PLIN4: variants seen among roughly 807,000 people sequenced by gnomAD.
The protein encoded by PLIN4 is perilipin-4.
In PLIN4, 57 loss-of-function variants were observed where a neutral mutation model predicts 52.4. The ratio of observed to expected loss-of-function variants is 1.09; its 90% confidence interval spans 0.88 to 1.36. The LOEUF is 1.36. Among genes scored for constraint, PLIN4 ranks in the 40% most tolerant of loss-of-function variants. The pLI is 0.00. For synonymous variants in PLIN4, 826 were observed against 785.4 expected (o/e 1.05, Z -0.86); for missense variants, 1,757 against 1,770.3 (o/e 0.99, Z 0.13).
chr19:4,517,678 C>G lies in PLIN4; in HGVS notation c.72G>C (p.Gly24=), dbSNP rs1294612289. 1 of 1,597,602 alleles carries G rather than the reference C, an allele frequency of 6.3e-7. No individual in the cohort carries two copies. The highest frequency in any genetic ancestry group is 8.5e-7 in the Non-Finnish European group (1 of 1,172,746). ...GGGCAGAGCTGAAGCCAGGCAGGGA[C>G]CCAAAGAAGCTGCCCAGGGTCTGCA... The part of the protein sequence containing the change: ...PKGKTLGSFF[G]SLPGFSSARN... Residue 24 remains glycine (G), a synonymous_variant, in exon 3 of 8, where the codon GGG becomes GGC. Coordinates refer to ENST00000301286, the MANE Select transcript of PLIN4 (RefSeq NM_001367868.2).
At position 4,513,362 on chromosome 19, in the gene PLIN4, C is replaced by T. The variant is rs1410890777; in HGVS notation, c.598G>A (p.Gly200Ser). The change falls in exon 5 of 8, where the codon GGC becomes AGC. Residue 200 changes from glycine (G) to serine (S), a missense_variant. Transcript: ENST00000301286. ...CCAGTAGTCACTGTGTCTTTGGTGC[C>T]GGTCAGCACAGTCTTGGTGGTGTCC... Reference protein sequence around the residue: ...GVDTTKTVLTGTKDTVTTGVM... With the variant: ...GVDTTKTVLTSTKDTVTTGVM... The T allele has an allele frequency of 1.1e-5, 18 of 1,613,474 alleles. No homozygotes were observed. Among genetic ancestry groups the T allele is most frequent in the African/African-American group, 4.0e-5 (3 of 74,874 alleles).
At position 4,510,546 on chromosome 19, in the gene PLIN4, G is replaced by A. The variant is rs759699899; in HGVS notation, c.3414C>T (p.Ala1138=). The A allele has an allele frequency of 1.3e-6, 2 of 1,496,584 alleles. No homozygotes were observed. Among genetic ancestry groups the A allele is most frequent in the African/African-American group, 2.8e-5 (2 of 71,312 alleles). 92.7% of individuals were successfully genotyped at this position (1,496,584 alleles called of 1,614,324 possible). A position where few individuals can be genotyped will look rare whatever the true frequency, so the allele number is the denominator to read the frequency against. The change falls in exon 5 of 8, where the codon GCC becomes GCT. Residue 1138 remains alanine (A), a synonymous_variant. Coordinates refer to ENST00000301286, the MANE Select transcript of PLIN4 (RefSeq NM_001367868.2). The stretch of plus-strand genomic sequence containing the variant: ...GGGCTTCTTCGGGGCCGTGTGTGGT[G>A]GCCAAAAGCCCCGTGTCCTCCCTGC... The part of the protein sequence containing the change: ...APGREDTGLL[A]TTHGPEEAPR...
chr19:4,510,129 A>G (rs955160693), intron 5 of PLIN4, among the ~76,000 whole-genome samples: 5 of 152,248 alleles, frequency 3.3e-5, no homozygotes, highest in African/African-American at 1.2e-4. Flanking sequence ...GCACTTGGGA[A>G]GCTGAGGCGG....
Position 4,511,285 on chromosome 19 carries a change from G to A in PLIN4, c.2675C>T (p.Thr892Ile), listed in dbSNP as rs1217794828. The change falls in exon 5 of 8, where the codon ACT (threonine) becomes ATT (isoleucine). Residue 892 changes from threonine (T) to isoleucine (I), a missense_variant. Physicochemically the swap from Thr to Ile is moderately conservative, Grantham distance 89 (BLOSUM62 -1). Coordinates refer to ENST00000301286, the MANE Select transcript of PLIN4 (RefSeq NM_001367868.2). Reference protein sequence around the residue: ...GGLDTTKSVLTGTKDAVSTGL... With the variant: ...GGLDTTKSVLIGTKDAVSTGL... ...AGTGGACACGGCATCTTTAGTGCCA[G>A]TCAGGACAGACTTTGTAGTGTCCAG... 1 of 1,610,760 alleles carries A rather than the reference G, an allele frequency of 6.2e-7. No individual in the cohort carries two copies. The highest frequency in any genetic ancestry group is 2.2e-5 in the East Asian group (1 of 44,670).
rs898712434 is a variant in PLIN4 at position 4,512,390 on chromosome 19, T to C, written c.1570A>G (p.Thr524Ala). 3 of 1,608,108 alleles carry C rather than the reference T, an allele frequency of 1.9e-6. 1 individual carries two copies. In the South Asian group the frequency reaches 3.3e-5, roughly 18 times the overall value. ...KGTVQTGVDT[T>A]KTVLTGTKDT... Reference sequence around the variant, plus strand: ...TTGGTGCCGGTTAGGACAGTCTTGGTGGTGTCTACGCCGGTCTGGACGGTC... The same window carrying C: ...TTGGTGCCGGTTAGGACAGTCTTGGCGGTGTCTACGCCGGTCTGGACGGTC... Residue 524 changes from threonine (T) to alanine (A), a missense_variant, in exon 5 of 8, where the codon ACC (threonine) becomes GCC (alanine). Thr to Ala is a moderately conservative substitution (Grantham distance 58). Coordinates refer to ENST00000301286, the MANE Select transcript of PLIN4 (RefSeq NM_001367868.2).
At position 4,502,258 on chromosome 19, in the gene PLIN4, C is replaced by A; in HGVS notation, c.*2201G>T. ...TCTAGCATTGCTGGTGCAGTGGGGG[C>A]CTGAGCTGGGGCGCAGGCGGCAGTG... is the stretch of plus-strand genomic sequence containing the variant. On this transcript the variant is annotated 3_prime_UTR_variant, in exon 8 of 8. Coordinates refer to ENST00000301286, the MANE Select transcript of PLIN4 (RefSeq NM_001367868.2). 1 of 593,350 alleles carries A rather than the reference C, an allele frequency of 1.7e-6. No homozygotes were observed. The highest frequency in any genetic ancestry group is 1.6e-5 in the South Asian group (1 of 60,686). The allele number at this position is 593,350 out of a possible 1,614,324, so 36.8% of individuals were successfully genotyped here.
rs1453858987 is a variant in PLIN4 at position 4,510,858 on chromosome 19, G to A, written c.3102C>T (p.Leu1034=). Residue 1034 remains leucine, a synonymous_variant, in exon 5 of 8, where the codon CTC becomes CTT. Coordinates refer to ENST00000301286, the MANE Select transcript of PLIN4 (RefSeq NM_001367868.2). ...CTGTCGCCACGTTCCCTGACCCCAT[G>A]AGCCCAGCGGACACTGCGTCTTTGG... ...TGTKDAVSAG[L]MGSGNVATGA... The A allele has an allele frequency of 3.1e-6, 5 of 1,613,316 alleles. No individual in the cohort carries two copies. Among genetic ancestry groups the A allele is most frequent in the African/African-American group, 2.7e-5 (2 of 74,910 alleles).
Position 4,503,326 on chromosome 19 carries a change from C to T in PLIN4, c.*1133G>A, listed in dbSNP as rs953166397. 1 of 152,368 alleles carries T rather than the reference C, an allele frequency of 6.6e-6. No homozygotes were observed. The allele number at this position is 152,368 out of a possible 1,614,324, so 9.4% of individuals were successfully genotyped here. ...CGGCTCCTCCCCGCTGGACTGAGCG[C>T]AGCCACGGCACGTCTCACACCCGAC... On this transcript the variant is annotated 3_prime_UTR_variant, in exon 8 of 8. Transcript: ENST00000301286.
chr19:4,511,821 C>A lies in PLIN4; in HGVS notation c.2139G>T (p.Gly713=), dbSNP rs756691386. The A allele has an allele frequency of 6.2e-7, 1 of 1,610,584 alleles. No homozygotes were observed. Among genetic ancestry groups the A allele is most frequent in the Non-Finnish European group, 8.5e-7 (1 of 1,176,978 alleles). The change falls in exon 5 of 8, where the codon GGG becomes GGT. Residue 713 remains glycine, a synonymous_variant. Transcript: ENST00000301286. The part of the protein sequence containing the change: ...GLMGAVNVAK[G]TVQTSVDTTK... ...TGGTGTCCACACTGGTCTGGACAGT[C>A]CCTTTGGCGACATTCACTGCCCCCA...
Position 4,504,698 on chromosome 19 carries a change from C to T in PLIN4, c.3877G>A (p.Gly1293Ser). The T allele has an allele frequency of 1.2e-6, 2 of 1,601,098 alleles. No homozygotes were observed. The highest frequency in any genetic ancestry group is 1.7e-6 in the Non-Finnish European group (2 of 1,177,852). The change falls in exon 8 of 8, where the codon GGC becomes AGC. Residue 1293 changes from glycine (G) to serine (S), a missense_variant. Physicochemically the swap from Gly to Ser is moderately conservative, Grantham distance 56. Transcript: ENST00000301286. ...AYSGLVSSLQ[G>S]LPAELQQPVG... Reference sequence around the variant, plus strand: ...GGCTGCTGGAGCTCGGCGGGCAGGCCCTGGAGGCTGGAGACCAGGCCACTG... The same window carrying T: ...GGCTGCTGGAGCTCGGCGGGCAGGCTCTGGAGGCTGGAGACCAGGCCACTG...
chr19:4,508,448 G>T (rs537160668), intron 6 of PLIN4, among the ~76,000 whole-genome samples: 1 of 152,264 alleles, frequency 6.6e-6, no homozygotes, highest in South Asian at 2.1e-4. Flanking sequence ...TGTATTTTTA[G>T]TAGAGACGGG....
Position 4,504,882 on chromosome 19 carries a change from C to T in PLIN4, c.3768G>A (p.Ala1256=), listed in dbSNP as rs777662542. Reference sequence around the variant, plus strand: ...CCACCTCCTGGACAGCAGCGTCCTCCGCACTGGCACCTGAGCCCTGGTCCA... The same window carrying T: ...CCACCTCCTGGACAGCAGCGTCCTCTGCACTGGCACCTGAGCCCTGGTCCA... ...PRLDQGSGAS[A]EDAAVQEERD... The change falls in exon 7 of 8, where the codon GCG becomes GCA. Residue 1256 remains alanine (A), a synonymous_variant. Transcript: ENST00000301286. 1.5e-5 allele frequency: 24 copies of T among 1,607,024 alleles called. No homozygotes were observed. Among genetic ancestry groups the T allele is most frequent in the Admixed American group, 6.8e-5 (4 of 59,146 alleles).
rs1469383540 is a variant in PLIN4, at chr19:4,511,011, C to T, written c.2949G>A (p.Val983=). The T allele has an allele frequency of 6.2e-7, 1 of 1,613,238 alleles. No individual in the cohort carries two copies. The highest frequency in any genetic ancestry group is 8.5e-7 in the Non-Finnish European group (1 of 1,179,844). The change falls in exon 5 of 8, where the codon GTG becomes GTA. Residue 983 remains valine, a synonymous_variant. Transcript: ENST00000301286. ...CCATAAGCACAGCCTTGGAGGCGTC[C>T]ACGCCGGTCTGCACGGTTCCTTTGG... ...NVAKGTVQTG[V]DASKAVLMGT...
chr19:4,504,923 C>T lies in PLIN4; in HGVS notation c.3727G>A (p.Glu1243Lys). ...RLIEKAQQAP[E>K]GQPRLDQGSG... is the part of the protein sequence containing the mutation. ...CCCTGGTCCAGACGTGGCTGCCCTT[C>T]TGGAGCCTGCTGGGCCTTTTCAATC... The change falls in exon 7 of 8, where the codon GAA becomes AAA. Residue 1243 changes from glutamate to lysine, a missense_variant. Glu to Lys is a moderately conservative substitution (Grantham distance 56). Coordinates refer to ENST00000301286, the MANE Select transcript of PLIN4 (RefSeq NM_001367868.2). The T allele has an allele frequency of 2.5e-6, 4 of 1,606,106 alleles. No individual in the cohort carries two copies. Among genetic ancestry groups the T allele is most frequent in the Non-Finnish European group, 3.4e-6 (4 of 1,177,246 alleles).
At position 4,512,519 on chromosome 19, in the gene PLIN4, T is replaced by C. The variant is rs778842128; in HGVS notation, c.1441A>G (p.Lys481Glu). The stretch of plus-strand genomic sequence containing the variant: ...TCCAGGCCGCCCTGGACGGCCCCTT[T>C]GGCCACATTCGCAGCACCGGTGACC... ...SGVTGAANVA[K>E]GAVQGGLDTT... The change falls in exon 5 of 8, where the codon AAA becomes GAA. Residue 481 changes from lysine to glutamate, a missense_variant. Around this residue, in one of 7 missense-constraint regions of PLIN4, gnomAD observed 439 missense variants for 406.4 expected, o/e 1.08. Coordinates refer to ENST00000301286, the MANE Select transcript of PLIN4 (RefSeq NM_001367868.2). 3 of 1,609,328 alleles carry C rather than the reference T, an allele frequency of 1.9e-6. No individual in the cohort carries two copies. In the African/African-American group the frequency reaches 4.0e-5, roughly 22 times the overall value.
intron 4 of PLIN4, among the ~76,000 whole-genome samples, chr19:4,513,989 C>T (rs1410755606): frequency 6.6e-6 from 1 of 152,208 alleles, no homozygotes; most frequent in Non-Finnish European, 1.5e-5. Flanking sequence ...GCAGGCAGGC[C>T]TCGTCCATGA....
In PLIN4 at chr19:4,510,365, C is replaced by CAA. The variant is rs796181751; in HGVS notation, c.3514+79_3514+80dup. 3,324 of 949,890 alleles carry CAA rather than the reference C, an allele frequency of 3.5e-3. 9 individuals carry two copies. The highest frequency in any genetic ancestry group is 0.015 in the African/African-American group (854 of 56,584). 58.8% of individuals were successfully genotyped at this position (949,890 alleles called of 1,614,324 possible). On this transcript the variant is annotated intron_variant, in intron 5 of 7. Coordinates refer to ENST00000301286, the MANE Select transcript of PLIN4 (RefSeq NM_001367868.2). ...TGGGCAACAGAGCACGACTCTGTCT[C>CAA]AAAAAAAAAAACAAAACAGTCAAGG...
In PLIN4 at chr19:4,512,807, T is replaced by G. The variant is rs199797108; in HGVS notation, c.1153A>C (p.Ile385Leu). ...TGAVNLAKEA[I>L]QGGLDTTKSM... is the part of the protein sequence containing the mutation. ...TTGGTGGTATCCAGGCCCCCCTGGA[T>G]GGCCTCTTTGGCCAAGTTCACGGCA... Residue 385 changes from isoleucine to leucine, a missense_variant, in exon 5 of 8, where the codon ATC (isoleucine) becomes CTC (leucine). By Grantham distance (5) the Ile-to-Leu change is conservative. Transcript: ENST00000301286. 1 of 1,561,448 alleles carries G rather than the reference T, an allele frequency of 6.4e-7. No individual in the cohort carries two copies. The highest frequency in any genetic ancestry group is 8.6e-7 in the Non-Finnish European group (1 of 1,160,514).
intron 4 of PLIN4, among the ~76,000 whole-genome samples, chr19:4,514,541 C>G (rs974779326): frequency 1.3e-5 from 2 of 151,584 alleles, no homozygotes; most frequent in Non-Finnish European, 2.9e-5. Flanking sequence ...CTGGCTAACA[C>G]AGTGAAACCC....
Sources: gnomAD v4.1 joint callset for allele counts (sites outside exome capture counted in the v4.1 genomes callset) on GRCh38, gnomAD v4.1.1 for gene constraint, gnomAD v4.1.1 regional missense constraint, MANE v1.5 for transcripts, NCBI Gene and HGNC (gene_info 2026-07-23, HGNC 2026-07-21) for gene names.